Variants in ODF2 observed in about 807,000 individuals in gnomAD.
The protein encoded by ODF2 is outer dense fiber of sperm tails 2.
ODF2 carries 47 observed loss-of-function variants against 110.2 expected under a neutral mutation model. That is an observed-to-expected ratio of 0.43 (90% CI 0.34 to 0.54). The LOEUF is 0.54. Among genes scored for constraint, ODF2 ranks in the 20% least tolerant of loss-of-function variants. The pLI, the probability that ODF2 is intolerant of heterozygous loss-of-function variation, is 0.03. For missense variants in ODF2, 812 were observed against 1,054.5 expected (o/e 0.77, Z 3.19); for synonymous variants, 352 against 397.7 (o/e 0.89, Z 1.37).
intron 13 of ODF2, 88 bp from the exon 14 acceptor site, chr9:128,487,793 CAAACAAACA>C: frequency 1.5e-6 from 2 of 1,308,634 alleles, no homozygotes; most frequent in Non-Finnish European, 2.0e-6. Flanking sequence ...TCTAAAAAAA[CAAACAAACA>C]AAACACACAC....
At chr9:128,456,190 G>T (rs771347160) in exon 1 of ODF2, 58 of 1,548,436 alleles carry the variant, frequency 3.7e-5, no homozygotes, top group Non-Finnish European at 4.7e-5. Context: ...TCCATGGCAC[G>T]ACCCTGGCCT....
At chr9:128,459,790 A>G (rs1447153602) in intron 3 of ODF2, 133 bp downstream of exon 2, 1 of 634,488 alleles carries the variant, frequency 1.6e-6, no homozygotes, top group Admixed American at 2.9e-5. Flanking sequence ...GCTGTTATAC[A>G]TACTCTGCTG....
At chr9:128,460,998 G>C (rs762170638) in exon 4 of ODF2, 2 of 1,614,152 alleles carry the variant, frequency 1.2e-6, no homozygotes, top group Admixed American at 1.7e-5. Flanking sequence ...GGAGTGTCCG[G>C]GTGAAAACCA....
intron 18 of ODF2, 75 bp from the exon 19 acceptor site, chr9:128,498,338 G>A: frequency 7.0e-7 from 1 of 1,433,926 alleles, no homozygotes. Flanking sequence ...TCCAGGAGAG[G>A]CTGGCAGCCC....
chr9:128,483,812 A>C (rs1297092617), intron 10 of ODF2, 126 bp from the exon 11 acceptor site: 1 of 725,900 alleles, frequency 1.4e-6, no homozygotes, highest in African/African-American at 1.7e-5. Flanking sequence ...CTGGAGCCCA[A>C]GAGGTGGAGG....
chr9:128,455,907 A>C, upstream of ODF2: 174 of 1,274,158 alleles, frequency 1.4e-4, no homozygotes, highest in Non-Finnish European at 1.5e-4. Context: ...GCCGAGCGGG[A>C]AAGGCCTTGA....
intron 16 of ODF2, among the ~76,000 whole-genome samples, 200 bp downstream of exon 16, chr9:128,493,005 T>C (rs1023331716): frequency 6.6e-6 from 1 of 151,808 alleles, no homozygotes; most frequent in African/African-American, 2.4e-5. Context: ...CTCTTCTCTC[T>C]CTCATGCTGC....
chr9:128,480,394 T>TAACCAA (rs1334225401), intron 8 of ODF2, among the ~76,000 whole-genome samples: 3 of 152,190 alleles, frequency 2.0e-5, no homozygotes, highest in Non-Finnish European at 4.4e-5. Flanking sequence ...TACCTTTTTG[T>TAACCAA]GTGTGTGTGG....
rs1442781581 is a variant in ODF2, at chr9:128,492,416, T to C, written c.1537-10T>C. The C allele has an allele frequency of 1.2e-6, 2 of 1,603,790 alleles. No individual in the cohort carries two copies. Reference sequence around the variant, plus strand: ...CTTCCTGTGGGTTACTCATGAGCCATCCCTTCCAGGCCAGCTTTGCTCCAA... The same window carrying C: ...CTTCCTGTGGGTTACTCATGAGCCACCCCTTCCAGGCCAGCTTTGCTCCAA... On this transcript the variant is annotated splice_polypyrimidine_tract_variant and intron_variant, in intron 14 of 20. Coordinates refer to ENST00000604420, the Ensembl canonical transcript of ODF2.
intron 2 of ODF2, among the ~76,000 whole-genome samples, chr9:128,458,554 A>G (rs1361663513): frequency 6.8e-6 from 1 of 147,094 alleles, no homozygotes; most frequent in Non-Finnish European, 1.5e-5. Flanking sequence ...CTGCTGAAAG[A>G]TTTTGGAGCA....
At chr9:128,460,095 C>T (rs1299388900) in intron 3 of ODF2, 2 of 1,256,542 alleles carry the variant, frequency 1.6e-6, no homozygotes, top group East Asian at 5.5e-5. Flanking sequence ...GATCTGCCTG[C>T]TCTCTGATTT....
intron 14 of ODF2, among the ~76,000 whole-genome samples, chr9:128,489,507 A>T (rs1381436675): frequency 1.3e-5 from 2 of 152,158 alleles, no homozygotes; most frequent in Non-Finnish European, 2.9e-5. Flanking sequence ...AATAGTTTGA[A>T]TATCCCTGGG....
intron 13 of ODF2, among the ~76,000 whole-genome samples, chr9:128,487,108 G>T (rs1251083052): frequency 6.6e-6 from 1 of 151,958 alleles, no homozygotes; most frequent in Non-Finnish European, 1.5e-5. Flanking sequence ...TGGAGACAAG[G>T]TCTTGCTCCT....
chr9:128,460,804 A>G, intron 3 of ODF2, 138 bp downstream of exon 3: 2 of 1,508,108 alleles, frequency 1.3e-6, no homozygotes, highest in Non-Finnish European at 1.8e-6. Flanking sequence ...GTTAGAAGGT[A>G]GGCAGGCCTG....
chr9:128,463,549 CACTGCACTGCAGCCTGGATTACAGAAAA>C (rs1475374930), intron 4 of ODF2, among the ~76,000 whole-genome samples: 1 of 152,142 alleles, frequency 6.6e-6, no homozygotes, highest in Non-Finnish European at 1.5e-5. Context: ...GTGATTATGT[CACTGCACTGCAGCCTGGATTACAGAAAA>C]GGACCCTGTC....
At chr9:128,489,738 G>A (rs1428881627) in intron 14 of ODF2, among the ~76,000 whole-genome samples, 2 of 152,202 alleles carry the variant, frequency 1.3e-5, no homozygotes, top group African/African-American at 2.4e-5. Context: ...ATACCTTGAA[G>A]TAGAATTGCC....
At chr9:128,484,011 G>A (rs776397400) in exon 11 of ODF2, 8 of 1,613,366 alleles carry the variant, frequency 5.0e-6, no homozygotes, top group African/African-American at 2.7e-5. Flanking sequence ...GCACAGCTTC[G>A]GTCCAAAGAG....
At chr9:128,488,695 CATG>C (rs1394915682) in intron 14 of ODF2, among the ~76,000 whole-genome samples, 5 of 152,182 alleles carry the variant, frequency 3.3e-5, no homozygotes, top group African/African-American at 9.6e-5. Flanking sequence ...CTGCCAGTAA[CATG>C]ATGATTATCT....
exon 12 of ODF2, chr9:128,484,766 G>T (rs1483542072): frequency 6.2e-7 from 1 of 1,609,502 alleles, no homozygotes. Context: ...AGCTGAAGGA[G>T]TTGAAGCAGA....
Sources: allele counts gnomAD v4.1 joint callset (sites outside exome capture counted in the v4.1 genomes callset), GRCh38; gene constraint gnomAD v4.1.1; transcripts MANE v1.5; gene names NCBI Gene and HGNC (gene_info 2026-07-23, HGNC 2026-07-21).